The following EPG5 variants were observed in gnomAD, a reference collection of about 807,000 sequenced individuals.
The protein encoded by EPG5 is ectopic P granules protein 5 homolog.
EPG5 carries 159 observed loss-of-function variants against 302.7 expected under a neutral mutation model. The observed-to-expected ratio is 0.53, with a 90% CI of 0.46 to 0.60. The LOEUF (loss-of-function observed/expected upper bound fraction) is 0.60. EPG5 is among the 20% of genes least tolerant of loss of function. EPG5 has a pLI of 0.00. For missense variants in EPG5, 2,896 were observed against 3,092.4 expected (o/e 0.94, Z 1.51); for synonymous variants, 1,158 against 1,136.8 (o/e 1.02, Z -0.37).
intron 34 of EPG5, 63 bp downstream of exon 34, chr18:45,878,313 T>C: frequency 9.0e-7 from 1 of 1,111,080 alleles, no homozygotes; most frequent in Non-Finnish European, 1.4e-6. Context: ...TTCTACCAAA[T>C]ACCATTTAGA....
chr18:45,922,485 T>C lies in EPG5; in HGVS notation c.2954A>G (p.Gln985Arg), dbSNP rs1212093839. 2.7e-5 allele frequency: 43 copies of C among 1,614,140 alleles called. No individual in the cohort carries two copies. The highest frequency in any genetic ancestry group is 3.6e-5 in the Non-Finnish European group (42 of 1,180,058). ...GAAGGGAACAGCTGGACAATTCGGC[T>C]GTATTCCATAATCGTTTTTGTGCAG... The part of the protein sequence containing the change: ...LKLHKNDYGI[Q>R]PNCPAVPFSV... The change falls in exon 16 of 44, where the codon CAG becomes CGG. Residue 985 changes from glutamine (Q) to arginine (R), a missense_variant. Physicochemically the swap from Gln to Arg is conservative, Grantham distance 43. This residue lies in a region of EPG5 where 1,390 missense variants were observed against 1,430.0 expected (regional missense o/e 0.97). Transcript: ENST00000282041.
rs567291870 is a variant in EPG5 at position 45,859,149 on chromosome 18, T to C, written c.7010-367A>G. ...GGTCAGTTAAGAATTTTAACTTTAA[T>C]ACCCTTTTTAAGAACATATGAACAC... On this transcript the variant is annotated intron_variant, in intron 40 of 43. Coordinates refer to ENST00000282041, the MANE Select transcript of EPG5 (RefSeq NM_020964.3). Among the ~76,000 whole-genome samples, 4 of 152,380 alleles carry C rather than the reference T, an allele frequency of 2.6e-5. No individual in the cohort carries two copies. The East Asian group carries it at 7.7e-4, about 29-fold the overall frequency.
intron 17 of EPG5, among the ~76,000 whole-genome samples, chr18:45,917,311 G>T (rs1266498114): frequency 6.6e-6 from 1 of 152,128 alleles, no homozygotes; most frequent in Non-Finnish European, 1.5e-5. Context: ...TATGTGCACT[G>T]TAAACAATTT....
rs1156631031 is a variant in EPG5 at position 45,847,982 on chromosome 18, T to C, written c.*4485A>G. On this transcript the variant is annotated 3_prime_UTR_variant, in exon 44 of 44. Transcript: ENST00000282041. ...TTTCATTATCCCAAAAGAGGATCAG[T>C]AGTATAATTATTTTTTTTTCAAGTT... The C allele has an allele frequency of 6.9e-6, 1 of 144,030 alleles. No individual in the cohort carries two copies. The highest frequency in any genetic ancestry group is 1.5e-5 in the Non-Finnish European group (1 of 67,530). The allele number at this position is 144,030 out of a possible 1,614,324, so 8.9% of individuals were successfully genotyped here.
chr18:45,856,237 G>A (rs972954132), intron 42 of EPG5, among the ~76,000 whole-genome samples: 1 of 152,202 alleles, frequency 6.6e-6, no homozygotes, highest in African/African-American at 2.4e-5. Flanking sequence ...ATGGATACAT[G>A]CTACAACATA....
intron 29 of EPG5, 28 bp downstream of exon 29, chr18:45,887,723 T>C: frequency 6.7e-7 from 1 of 1,487,354 alleles, no homozygotes; most frequent in Non-Finnish European, 9.1e-7. Flanking sequence ...CATTATCTGA[T>C]CAAGGCAAAA....
chr18:45,842,881 G>A (rs1262830353), downstream of EPG5: 1 of 152,492 alleles, frequency 6.6e-6, no homozygotes, highest in Admixed American at 6.5e-5. Flanking sequence ...GAGCAAGCCT[G>A]GGGCAGGGGC....
chr18:45,900,237 C>T (rs988165086), intron 26 of EPG5, among the ~76,000 whole-genome samples: 2 of 152,000 alleles, frequency 1.3e-5, no homozygotes, highest in African/African-American at 2.4e-5. Flanking sequence ...CCCATCTCTA[C>T]TAAAAATACA....
intron 40 of EPG5, 83 bp from the exon 41 acceptor site, chr18:45,858,865 T>G: frequency 9.1e-7 from 1 of 1,094,838 alleles, no homozygotes; most frequent in Non-Finnish European, 1.3e-6. Flanking sequence ...CACTTTAAGC[T>G]TCATGATTTT....
chr18:45,878,387 C>G lies in EPG5; in HGVS notation c.5931G>C (p.Glu1977Asp). The G allele has an allele frequency of 6.2e-7, 1 of 1,609,630 alleles. No individual in the cohort carries two copies. Among genetic ancestry groups the G allele is most frequent in the African/African-American group, 1.3e-5 (1 of 74,938 alleles). The change falls in exon 34 of 44, where the codon GAG becomes GAC. Residue 1977 changes from glutamate (E) to aspartate (D), a missense_variant. Physicochemically the swap from Glu to Asp is conservative, Grantham distance 45. Coordinates refer to ENST00000282041, the MANE Select transcript of EPG5 (RefSeq NM_020964.3). ...QLFKPWILVL[E>D]DNESSQQRHY... ...AAAAAACTGTTTACCTTTCGTTGTC[C>G]TCTAAAACCAGGATCCATGGCTTAA...
At chr18:45,878,941 A>G (rs1400030478) in intron 33 of EPG5, 72 bp downstream of exon 33, 1 of 1,193,936 alleles carries the variant, frequency 8.4e-7, no homozygotes, top group African/African-American at 1.5e-5. Context: ...AAATCTCTTA[A>G]TGTGCCTATT....
At chr18:45,927,987 A>G (rs1356299035) in intron 13 of EPG5, among the ~76,000 whole-genome samples, 1 of 152,124 alleles carries the variant, frequency 6.6e-6, no homozygotes, top group Admixed American at 6.5e-5. Context: ...TGAGGTTAGG[A>G]GTTCAAGACC....
chr18:45,822,742 A>T, the EPG5 span, among the ~76,000 whole-genome samples: 160 of 152,358 alleles, frequency 1.1e-3, no homozygotes, highest in Non-Finnish European at 2.0e-3. Flanking sequence ...TATCTATTAA[A>T]TATATCTCTC....
intron 35 of EPG5, among the ~76,000 whole-genome samples, chr18:45,873,383 G>A (rs1383799466): frequency 7.9e-5 from 12 of 151,930 alleles, no homozygotes; most frequent in East Asian, 5.8e-4. Context: ...GGTGGCGGGC[G>A]CCTGTAGTCC....
At chr18:45,833,031 A>G in the EPG5 span, among the ~76,000 whole-genome samples, 1 of 152,134 alleles carries the variant, frequency 6.6e-6, no homozygotes, top group Non-Finnish European at 1.5e-5. Flanking sequence ...CTGTGTTCCC[A>G]TTCTGCTCCT....
At chr18:45,966,245 G>A (rs1326257624) in intron 1 of EPG5, among the ~76,000 whole-genome samples, 1 of 151,286 alleles carries the variant, frequency 6.6e-6, no homozygotes, top group East Asian at 1.9e-4. Flanking sequence ...GGTGGCAGGC[G>A]CCTGTAGTCC....
At chr18:45,827,222 G>A in the EPG5 span, among the ~76,000 whole-genome samples, 1 of 152,174 alleles carries the variant, frequency 6.6e-6, no homozygotes, top group African/African-American at 2.4e-5. Context: ...GGCAGAGAAA[G>A]GAACTCTTCC....
intron 27 of EPG5, 39 bp from the exon 28 acceptor site, chr18:45,889,979 A>C: frequency 6.6e-7 from 1 of 1,512,442 alleles, no homozygotes; most frequent in Non-Finnish European, 8.9e-7. Flanking sequence ...ATTTCCCCCC[A>C]TGTGTCAGGT....
chr18:45,857,762 A>C (rs1300271037), intron 42 of EPG5, 91 bp downstream of exon 42: 1 of 994,838 alleles, frequency 1.0e-6, no homozygotes, highest in East Asian at 2.4e-5. Flanking sequence ...TCCTAAGTCG[A>C]AAAACCTACT....
Sources: allele counts gnomAD v4.1 joint callset (sites outside exome capture counted in the v4.1 genomes callset), GRCh38; gene constraint gnomAD v4.1.1; regional missense constraint gnomAD v4.1.1; transcripts MANE v1.5; gene names NCBI Gene and HGNC (gene_info 2026-07-23, HGNC 2026-07-21).